The following THRB variants were observed in gnomAD, a reference collection of about 807,000 sequenced individuals.
THRB encodes the protein thyroid hormone receptor beta.
In THRB, 12 loss-of-function variants were observed where a neutral mutation model predicts 47.8. The observed-to-expected ratio is 0.25, with a 90% CI of 0.16 to 0.41. The LOEUF (loss-of-function observed/expected upper bound fraction) is 0.41, where lower values mean the gene tolerates loss of function less well. THRB is among the 10% of genes least tolerant of loss of function. The pLI is 1.00. For synonymous variants in THRB, 218 were observed against 212.2 expected, an observed-to-expected ratio of 1.03 and a Z score of -0.24; for missense variants, 348 against 589.2, an observed-to-expected ratio of 0.59 and a Z score of 4.24.
At chr3:24,300,256 G>A (rs979826677) in intron 2 of THRB, among the ~76,000 whole-genome samples, 1 of 152,098 alleles carries the variant, frequency 6.6e-6, no homozygotes, top group African/African-American at 2.4e-5. Flanking sequence ...CAGGTGTTGC[G>A]ACTCAAAAGA....
chr3:24,279,485 C>A (rs563091753), intron 3 of THRB, among the ~76,000 whole-genome samples: 1 of 151,872 alleles, frequency 6.6e-6, no homozygotes, highest in South Asian at 2.1e-4. Flanking sequence ...CCCGGGTTCA[C>A]GCCATTCTCC....
intron 3 of THRB, among the ~76,000 whole-genome samples, chr3:24,269,388 C>T (rs560624000): frequency 0.033 from 1,300 of 39,634 alleles, 9 homozygotes; most frequent in Non-Finnish European, 0.054. Context: ...ATAGCTCACA[C>T]GCGCGCGCGC....
intron 1 of THRB, among the ~76,000 whole-genome samples, chr3:24,438,202 C>A (rs2071165062): frequency 6.6e-6 from 1 of 151,884 alleles, no homozygotes; most frequent in Non-Finnish European, 1.5e-5. Flanking sequence ...CAGAATGAAG[C>A]ACATTGATCT....
At chr3:24,235,312 TGAA>T (rs2048747290) in intron 3 of THRB, among the ~76,000 whole-genome samples, 1 of 152,274 alleles carries the variant, frequency 6.6e-6, no homozygotes, top group East Asian at 1.9e-4. Flanking sequence ...ACTACAGCAC[TGAA>T]GGGGCATCTG....
intron 5 of THRB, among the ~76,000 whole-genome samples, chr3:24,166,430 G>T (rs764280332): frequency 1.3e-5 from 2 of 152,256 alleles, no homozygotes; most frequent in African/African-American, 2.4e-5. Flanking sequence ...GATTTAATGT[G>T]ATTTAAGTGG....
At chr3:24,313,060 G>A (rs752341486) in intron 2 of THRB, among the ~76,000 whole-genome samples, 1 of 152,114 alleles carries the variant, frequency 6.6e-6, no homozygotes, top group Admixed American at 6.5e-5. Context: ...TTGGGGGTGA[G>A]GGAAAGAGGA....
At chr3:24,416,726 T>C (rs2068761554) in intron 1 of THRB, among the ~76,000 whole-genome samples, 1 of 151,818 alleles carries the variant, frequency 6.6e-6, no homozygotes, top group African/African-American at 2.4e-5. Context: ...TTCTGATACT[T>C]AGAGCACTTG....
intron 5 of THRB, among the ~76,000 whole-genome samples, chr3:24,164,726 C>T (rs916578236): frequency 6.6e-6 from 1 of 152,150 alleles, no homozygotes; most frequent in East Asian, 1.9e-4. Flanking sequence ...GGAAACCTTT[C>T]ACATATTTTC....
intron 1 of THRB, among the ~76,000 whole-genome samples, chr3:24,464,274 T>C (rs181812007): frequency 2.0e-3 from 279 of 142,698 alleles, no homozygotes; most frequent in Non-Finnish European, 3.1e-3. Context: ...AAAAGAAAAA[T>C]AAATGGTTGC....
chr3:24,379,536 A>G (rs904203235), intron 1 of THRB, among the ~76,000 whole-genome samples: 1 of 152,112 alleles, frequency 6.6e-6, no homozygotes, highest in Non-Finnish European at 1.5e-5. Flanking sequence ...TGTCTGAGCC[A>G]CTTTCCCCCT....
chr3:24,487,735 A>G (rs2125930685), intron 1 of THRB, among the ~76,000 whole-genome samples: 1 of 152,306 alleles, frequency 6.6e-6, no homozygotes, highest in African/African-American at 2.4e-5. Flanking sequence ...TGTATGTGAG[A>G]ACATGACACA....
chr3:24,473,516 T>G (rs1304400814), intron 1 of THRB, among the ~76,000 whole-genome samples: 1 of 152,220 alleles, frequency 6.6e-6, no homozygotes, highest in Non-Finnish European at 1.5e-5. Context: ...TCAACCATTG[T>G]GGAAGACAGT....
chr3:24,140,311 C>T lies in THRB; in HGVS notation c.738+3190G>A, dbSNP rs899754925. ...ATTTATTGCTGTATAACAAACTAACCCCAAACTTTGTGGTTTAAAACAACA... is the reference window on the plus strand; with the variant it reads ...ATTTATTGCTGTATAACAAACTAACTCCAAACTTTGTGGTTTAAAACAACA... On this transcript the variant is annotated intron_variant, in intron 8 of 10. Coordinates refer to ENST00000646209, the MANE Select transcript of THRB (RefSeq NM_001354712.2). Among the ~76,000 whole-genome samples, 62 of 152,176 alleles carry T rather than the reference C, an allele frequency of 4.1e-4. 5 individuals carry two copies. The highest frequency in any genetic ancestry group is 4.4e-5 in the Non-Finnish European group (3 of 68,032).
chr3:24,299,249 TAAA>T (rs36061929), intron 2 of THRB, among the ~76,000 whole-genome samples: 19,861 of 69,282 alleles, frequency 0.29, 724 homozygotes, highest in Admixed American at 0.38. Context: ...CTCAGTCTCA[TAAA>T]AAAAAAAAAA....
At chr3:24,321,162 C>A (rs1356106903) in intron 2 of THRB, among the ~76,000 whole-genome samples, 2 of 152,144 alleles carry the variant, frequency 1.3e-5, no homozygotes, top group African/African-American at 2.4e-5. Context: ...CAGTTTTACA[C>A]CCCCAGTCTC....
chr3:24,479,240 A>G (rs1020937397), intron 1 of THRB, among the ~76,000 whole-genome samples: 2 of 152,198 alleles, frequency 1.3e-5, no homozygotes, highest in African/African-American at 4.8e-5. Flanking sequence ...AGGCGGGGCT[A>G]GCAGTGAGCT....
At chr3:24,133,490 A>C (rs368345076) in intron 8 of THRB, 28 bp from the exon 9 acceptor site, 26 of 1,610,924 alleles carry the variant, frequency 1.6e-5, no homozygotes, top group Admixed American at 6.7e-5. Context: ...GAAAGATTTA[A>C]ATGAAGAAGT....
chr3:24,435,001 T>A (rs1054145354), intron 1 of THRB, among the ~76,000 whole-genome samples: 4 of 152,132 alleles, frequency 2.6e-5, no homozygotes, highest in African/African-American at 9.7e-5. Flanking sequence ...ATAGGTAAAA[T>A]CTGGTAGAGG....
intron 1 of THRB, among the ~76,000 whole-genome samples, chr3:24,462,962 ACCCC>A (rs1274202054): frequency 1.3e-5 from 2 of 151,732 alleles, no homozygotes; most frequent in Non-Finnish European, 2.9e-5. Flanking sequence ...ACTCCCTGTA[ACCCC>A]CCTCCTGTCA....
Sources: gnomAD v4.1 joint callset for allele counts (sites outside exome capture counted in the v4.1 genomes callset) on GRCh38, gnomAD v4.1.1 for gene constraint, MANE v1.5 for transcripts, NCBI Gene and HGNC (gene_info 2026-07-23, HGNC 2026-07-21) for gene names.